Variants in RNF180 observed in about 807,000 individuals in gnomAD.
The protein encoded by RNF180 is E3 ubiquitin-protein ligase RNF180.
Under a neutral mutation model 59.2 loss-of-function variants are expected in RNF180, and 38 were observed. The observed-to-expected ratio is 0.64, with a 90% confidence interval of 0.50 to 0.84. The LOEUF (loss-of-function observed/expected upper bound fraction) is 0.84, where lower values mean the gene tolerates loss of function less well. Among genes scored for constraint, RNF180 ranks in the 40% least tolerant of loss-of-function variants. RNF180 has a pLI of 0.00. For synonymous variants in RNF180, 262 were observed against 240.3 expected, an observed-to-expected ratio of 1.09 and a Z score of -0.84; for missense variants, 705 against 700.9, an observed-to-expected ratio of 1.01 and a Z score of -0.07.
chr5:64,257,323 G>A (rs1744032458), intron 5 of RNF180, among the ~76,000 whole-genome samples: 1 of 152,196 alleles, frequency 6.6e-6, no homozygotes, highest in African/African-American at 2.4e-5. Flanking sequence ...CATTCAGTAT[G>A]ATATTGGCTG....
chr5:64,243,242 C>T (rs879920181), intron 5 of RNF180, among the ~76,000 whole-genome samples: 12 of 152,134 alleles, frequency 7.9e-5, no homozygotes, highest in Non-Finnish European at 1.3e-4. Context: ...GAGACAGAAC[C>T]GTTCACTCCC....
At chr5:64,323,348 C>G (rs1161117075) in intron 5 of RNF180, among the ~76,000 whole-genome samples, 1 of 152,078 alleles carries the variant, frequency 6.6e-6, no homozygotes, top group African/African-American at 2.4e-5. Context: ...CAAGACCAGC[C>G]TGGCCAACAT....
At chr5:64,236,495 T>A (rs539586381) in intron 5 of RNF180, among the ~76,000 whole-genome samples, 10 of 152,312 alleles carry the variant, frequency 6.6e-5, no homozygotes, top group Non-Finnish European at 1.2e-4. Context: ...TATAAAGATT[T>A]GGAAATTTTG....
At chr5:64,216,639 C>T (rs1580027060) in intron 4 of RNF180, among the ~76,000 whole-genome samples, 1 of 152,146 alleles carries the variant, frequency 6.6e-6, no homozygotes, top group Non-Finnish European at 1.5e-5. Context: ...GTATTAATGA[C>T]AGTACAGAAA....
chr5:64,279,887 G>C (rs1016133677), intron 5 of RNF180, among the ~76,000 whole-genome samples: 10 of 152,128 alleles, frequency 6.6e-5, no homozygotes, highest in African/African-American at 2.4e-4. Context: ...GAGGTCAGGA[G>C]TTCAAGACCA....
chr5:64,358,552 T>G (rs2112598885), intron 7 of RNF180, among the ~76,000 whole-genome samples: 1 of 151,862 alleles, frequency 6.6e-6, no homozygotes, highest in Middle Eastern at 3.4e-3. Flanking sequence ...TTAAAGAAAT[T>G]GATAGGTATT....
At chr5:64,347,223 T>G (rs1745592049) in intron 7 of RNF180, among the ~76,000 whole-genome samples, 1 of 152,186 alleles carries the variant, frequency 6.6e-6, no homozygotes, top group Non-Finnish European at 1.5e-5. Context: ...ACCATGGGAT[T>G]TGTGAGACCA....
intron 7 of RNF180, among the ~76,000 whole-genome samples, chr5:64,354,637 CAAGAA>C (rs1216496444): frequency 6.6e-6 from 1 of 151,692 alleles, no homozygotes; most frequent in East Asian, 1.9e-4. Context: ...AAAGTTATCA[CAAGAA>C]AAGAATTATA....
intron 4 of RNF180, among the ~76,000 whole-genome samples, chr5:64,214,910 A>G (rs1020616475): frequency 1.3e-5 from 2 of 152,030 alleles, no homozygotes; most frequent in African/African-American, 4.8e-5. Context: ...TGTTTCAGTA[A>G]ATTCAATCAG....
chr5:64,339,080 A>C (rs986376025), intron 7 of RNF180, among the ~76,000 whole-genome samples: 1 of 151,058 alleles, frequency 6.6e-6, no homozygotes, highest in Non-Finnish European at 1.5e-5. Flanking sequence ...TAATATTTTA[A>C]TCTGTCTTGT....
chr5:64,330,451 A>G, intron 7 of RNF180, 45 bp downstream of exon 7: 1 of 1,510,166 alleles, frequency 6.6e-7, no homozygotes, highest in South Asian at 1.3e-5. Flanking sequence ...AATTTTGTCT[A>G]AGGTCTGTTC....
rs1379000368 is a variant in RNF180 at position 64,330,358 on chromosome 5, G to A, written c.1531G>A (p.Ala511Thr). 2 of 1,545,706 alleles carry A rather than the reference G, an allele frequency of 1.3e-6. No homozygotes were observed. Among genetic ancestry groups the A allele is most frequent in the Non-Finnish European group, 1.7e-6 (2 of 1,145,260 alleles). ...IKQSFQKSNS[A>T]KWPLPSCRKA... Reference sequence around the variant, plus strand: ...ACAAAGCTTTCAGAAATCCAACTCTGCAAAATGGCCCCTACCAAGCTGCAG... The same window carrying A: ...ACAAAGCTTTCAGAAATCCAACTCTACAAAATGGCCCCTACCAAGCTGCAG... The change falls in exon 7 of 8, where the codon GCA (alanine) becomes ACA (threonine). Residue 511 changes from alanine to threonine, a missense_variant. Ala to Thr is a moderately conservative substitution (Grantham distance 58). Transcript: ENST00000389100.
intron 7 of RNF180, among the ~76,000 whole-genome samples, chr5:64,346,726 T>A (rs943630043): frequency 6.6e-6 from 1 of 152,090 alleles, no homozygotes; most frequent in Non-Finnish European, 1.5e-5. Flanking sequence ...CCAGGCCATA[T>A]CCCAGACCAA....
intron 5 of RNF180, among the ~76,000 whole-genome samples, chr5:64,305,927 A>G (rs556631218): frequency 3.3e-5 from 5 of 151,672 alleles, no homozygotes; most frequent in African/African-American, 1.2e-4. Context: ...CTTTAAGGAA[A>G]TCTGTTTATA....
intron 1 of RNF180, among the ~76,000 whole-genome samples, chr5:64,174,121 C>G (rs1456868947): frequency 6.6e-6 from 1 of 152,176 alleles, no homozygotes; most frequent in Non-Finnish European, 1.5e-5. Flanking sequence ...TCCATGTTGC[C>G]ACAAATGACA....
At chr5:64,330,547 A>G in intron 7 of RNF180, 141 bp downstream of exon 7, 1 of 818,272 alleles carries the variant, frequency 1.2e-6, no homozygotes, top group East Asian at 2.8e-5. Flanking sequence ...TTTGCTAAGT[A>G]TCTCCTTGCT....
At chr5:64,360,455 T>C (rs1481128861) in intron 7 of RNF180, among the ~76,000 whole-genome samples, 1 of 151,710 alleles carries the variant, frequency 6.6e-6, no homozygotes, top group Non-Finnish European at 1.5e-5. Flanking sequence ...AATATCATAC[T>C]GAATGGGCAA....
At chr5:64,359,179 T>TTCCAG (rs1236798656) in intron 7 of RNF180, among the ~76,000 whole-genome samples, 2 of 151,676 alleles carry the variant, frequency 1.3e-5, no homozygotes, top group Non-Finnish European at 2.9e-5. Flanking sequence ...CAAATGGTAT[T>TTCCAG]TCCAGTTCTG....
At chr5:64,228,862 T>C (rs1741931713) in intron 5 of RNF180, among the ~76,000 whole-genome samples, 1 of 150,366 alleles carries the variant, frequency 6.7e-6, no homozygotes, top group African/African-American at 2.4e-5. Context: ...TTTAAGATAA[T>C]CTATCAGAAT....
Sources: gnomAD v4.1 joint callset for allele counts (sites outside exome capture counted in the v4.1 genomes callset) on GRCh38, gnomAD v4.1.1 for gene constraint, MANE v1.5 for transcripts, NCBI Gene and HGNC (gene_info 2026-07-23, HGNC 2026-07-21) for gene names.